Variants in PDIA6 observed in about 807,000 individuals in gnomAD.
PDIA6 encodes the protein protein disulfide-isomerase A6.
PDIA6 carries 29 observed loss-of-function variants against 58.4 expected under a neutral mutation model. That is an observed-to-expected ratio of 0.50 (90% CI 0.37 to 0.68). The LOEUF (loss-of-function observed/expected upper bound fraction) is 0.68. Ranked by LOEUF, PDIA6 falls within the 30% of genes least tolerant of loss-of-function variation. PDIA6 has a pLI of 0.00. For missense variants in PDIA6, 480 were observed against 551.0 expected (o/e 0.87, Z 1.29); for synonymous variants, 192 against 202.6 (o/e 0.95, Z 0.44).
At chr2:10,806,622 T>TAAAGGAAAGAAAG (rs1666762322) in intron 1 of PDIA6, among the ~76,000 whole-genome samples, 2 of 48,692 alleles carry the variant, frequency 4.1e-5, no homozygotes, top group Non-Finnish European at 1.4e-4. Context: ...TCCTAAAAAA[T>TAAAGGAAAGAAAG]AAAGACAGAA....
intron 4 of PDIA6, among the ~76,000 whole-genome samples, chr2:10,795,631 T>C (rs934265521): frequency 6.6e-6 from 1 of 152,220 alleles, no homozygotes; most frequent in African/African-American, 2.4e-5. Context: ...CACATCCCCA[T>C]TATACAGAGA....
At chr2:10,785,977 G>A (rs1266278001) in intron 11 of PDIA6, among the ~76,000 whole-genome samples, 1 of 150,584 alleles carries the variant, frequency 6.6e-6, no homozygotes, top group Non-Finnish European at 1.5e-5. Flanking sequence ...GACTCCCAAA[G>A]TGTTGGAATT....
intron 6 of PDIA6, 22 bp downstream of exon 6, chr2:10,791,773 C>T (rs1198983605): frequency 6.2e-7 from 1 of 1,607,678 alleles, no homozygotes; most frequent in East Asian, 2.2e-5. Context: ...AATGAACAGA[C>T]TACTTAGTAG....
intron 7 of PDIA6, 38 bp from the exon 8 acceptor site, chr2:10,789,927 A>G (rs1169777009): frequency 1.3e-6 from 2 of 1,553,128 alleles, no homozygotes; most frequent in South Asian, 2.3e-5. Context: ...TCCAATTAAC[A>G]CTTAATGCAA....
intron 11 of PDIA6, among the ~76,000 whole-genome samples, chr2:10,787,037 C>T (rs771639422): frequency 5.3e-5 from 8 of 152,124 alleles, no homozygotes; most frequent in Non-Finnish European, 1.0e-4. Context: ...CAGAATGGCA[C>T]ACAGGGCGGC....
chr2:10,818,534 A>G (rs181324117), intron 2 of PDIA6, among the ~76,000 whole-genome samples: 2 of 81,006 alleles, frequency 2.5e-5, no homozygotes, highest in African/African-American at 9.4e-5. Flanking sequence ...TTATTTATTT[A>G]TTTTGAGATG....
intron 1 of PDIA6, among the ~76,000 whole-genome samples, chr2:10,827,347 G>A (rs1041822752): frequency 1.2e-4 from 19 of 152,070 alleles, no homozygotes; most frequent in Non-Finnish European, 5.9e-5. Context: ...ACAGGTGTGA[G>A]CCACCGCACC....
chr2:10,786,067 A>G (rs915882394), intron 11 of PDIA6, among the ~76,000 whole-genome samples: 3 of 152,296 alleles, frequency 2.0e-5, no homozygotes, highest in East Asian at 1.9e-4. Context: ...TCACACCTGT[A>G]ATCCCAGCAT....
intron 1 of PDIA6, chr2:10,832,162 A>G (rs1236098943): frequency 6.6e-6 from 1 of 152,356 alleles, no homozygotes; most frequent in Non-Finnish European, 1.5e-5. Flanking sequence ...TTGAACTGGA[A>G]CACACCCACC....
At chr2:10,800,781 T>G (rs368324129) in intron 2 of PDIA6, among the ~76,000 whole-genome samples, 1 of 152,038 alleles carries the variant, frequency 6.6e-6, no homozygotes, top group Non-Finnish European at 1.5e-5. Flanking sequence ...GTTTCTTTTC[T>G]TTTTATTTTC....
At chr2:10,785,441 CAG>C (rs1665675290) in intron 11 of PDIA6, among the ~76,000 whole-genome samples, 1 of 152,182 alleles carries the variant, frequency 6.6e-6, no homozygotes, top group African/African-American at 2.4e-5. Context: ...AGTGCGCTGG[CAG>C]AGAGCGGGGT....
intron 10 of PDIA6, among the ~76,000 whole-genome samples, chr2:10,787,653 A>T (rs1325321343): frequency 6.6e-6 from 1 of 152,192 alleles, no homozygotes; most frequent in Non-Finnish European, 1.5e-5. Flanking sequence ...TTCTGTAGGC[A>T]TCTAATAAAC....
At position 10,810,381 on chromosome 2, in the gene PDIA6, A is replaced by G; in HGVS notation, c.19+2297T>C. The stretch of plus-strand genomic sequence containing the variant: ...TTCTCTTTGCCAATCAAGGACAGCA[A>G]TAACGTCAGTCCTCTCCTCTTCATG... On this transcript the variant is annotated intron_variant, in intron 1 of 12. Transcript: ENST00000272227. 2.0e-6 allele frequency: 3 copies of G among 1,497,858 alleles called. No individual in the cohort carries two copies. The South Asian group carries it at 3.9e-5, about 20-fold the overall frequency. 92.8% of individuals were successfully genotyped at this position (1,497,858 alleles called of 1,614,324 possible).
chr2:10,824,835 T>C (rs1667503411), intron 1 of PDIA6, among the ~76,000 whole-genome samples: 1 of 152,244 alleles, frequency 6.6e-6, no homozygotes, highest in African/African-American at 2.4e-5. Context: ...AATTGGTCTT[T>C]CTATTTTCAC....
intron 5 of PDIA6, 139 bp downstream of exon 5, chr2:10,792,957 G>A (rs1272792077): frequency 1.8e-5 from 12 of 651,554 alleles, no homozygotes; most frequent in African/African-American, 5.4e-5. Flanking sequence ...CTCTGGGATC[G>A]GTGGATCCAA....
intron 2 of PDIA6, among the ~76,000 whole-genome samples, chr2:10,798,151 C>T (rs1426348112): frequency 1.3e-5 from 2 of 152,138 alleles, no homozygotes; most frequent in African/African-American, 2.4e-5. Context: ...TGCCGCTACA[C>T]TCCAGCCTGG....
At chr2:10,832,840 G>A (rs1236102009), upstream of PDIA6, among the ~76,000 whole-genome samples, 1 of 152,138 alleles carries the variant, frequency 6.6e-6, no homozygotes, top group Admixed American at 6.5e-5. Flanking sequence ...AGGGTAAGGA[G>A]GCGGTGAGGA....
chr2:10,806,622 T>TAAAGACAAAGAAAGAAAGACAGAAAG, intron 1 of PDIA6, among the ~76,000 whole-genome samples: 1 of 48,760 alleles, frequency 2.1e-5, no homozygotes, highest in African/African-American at 4.3e-5. Flanking sequence ...TCCTAAAAAA[T>TAAAGACAAAGAAAGAAAGACAGAAAG]AAAGACAGAA....
At chr2:10,786,489 A>G (rs6432146) in intron 11 of PDIA6, among the ~76,000 whole-genome samples, 11,647 of 152,024 alleles carry the variant, frequency 0.077, 1,505 homozygotes, top group African/African-American at 0.27. Context: ...TGACTGAGGC[A>G]CCTGACTTTG....
Sources: allele counts gnomAD v4.1 joint callset (sites outside exome capture counted in the v4.1 genomes callset), GRCh38; gene constraint gnomAD v4.1.1; transcripts MANE v1.5; gene names NCBI Gene and HGNC (gene_info 2026-07-23, HGNC 2026-07-21).